Variants in HSPD1 observed in about 807,000 individuals in gnomAD.
The protein encoded by HSPD1 is heat shock protein family D (Hsp60) member 1.
Under a neutral mutation model 53.0 loss-of-function variants are expected in HSPD1, and 3 were observed. That is an observed-to-expected ratio of 0.06 (90% CI 0.03 to 0.15). The LOEUF (loss-of-function observed/expected upper bound fraction) is 0.15. Ranked by LOEUF, HSPD1 falls within the 10% of genes least tolerant of loss-of-function variation. The pLI, the probability that HSPD1 is intolerant of heterozygous loss-of-function variation, is 1.00. For synonymous variants in HSPD1, 200 were observed against 228.0 expected (o/e 0.88, Z 1.10); for missense variants, 431 against 694.1 (o/e 0.62, Z 4.26).
chr2:197,493,229 T>C, intron 7 of HSPD1, 95 bp downstream of exon 7: 1 of 1,022,912 alleles, frequency 9.8e-7, no homozygotes, highest in Non-Finnish European at 1.6e-6. Flanking sequence ...CTGGATCAAA[T>C]GTGGAGGTAC....
intron 1 of HSPD1, chr2:197,499,107 C>A: frequency 1.8e-6 from 1 of 552,110 alleles, no homozygotes. Context: ...CCACGGCCAC[C>A]TATCCCTGCC....
chr2:197,491,411 C>T (rs1238627440), intron 7 of HSPD1, among the ~76,000 whole-genome samples: 1 of 151,982 alleles, frequency 6.6e-6, no homozygotes, highest in Non-Finnish European at 1.5e-5. Flanking sequence ...CCACCCGCCT[C>T]GGCTTCCCAA....
At chr2:197,498,491 G>C (rs1466958624) in intron 2 of HSPD1, among the ~76,000 whole-genome samples, 184 bp downstream of exon 2, 1 of 152,192 alleles carries the variant, frequency 6.6e-6, no homozygotes, top group Non-Finnish European at 1.5e-5. Context: ...TCTGGCTGAA[G>C]CAGTTTAAGC....
intron 2 of HSPD1, among the ~76,000 whole-genome samples, chr2:197,497,769 T>C (rs1447778077): frequency 6.6e-6 from 1 of 152,256 alleles, no homozygotes; most frequent in Admixed American, 6.5e-5. Context: ...AAAATCCGTT[T>C]AACTAAAATA....
chr2:197,497,505 G>A (rs1487642428), intron 2 of HSPD1, 113 bp from the exon 3 acceptor site: 2 of 1,108,530 alleles, frequency 1.8e-6, no homozygotes, highest in Admixed American at 1.8e-5. Flanking sequence ...CGTAAGTTGT[G>A]TCATTTTTAT....
Position 197,487,107 on chromosome 2 carries a change from T to C in HSPD1, c.1661A>G (p.Lys554Arg), listed in dbSNP as rs544458991. ...ACCCATTGCACCCATTCCAGGGTCC[T>C]TCTCTTCTTTAGGAATTTCTGTGAC... ...VVVTEIPKEE[K>R]DPGMGAMGGM... Residue 554 changes from lysine (K) to arginine (R), a missense_variant, in exon 12 of 12, where the codon AAG becomes AGG. This residue lies in a region of HSPD1 where 386 missense variants were observed against 657.6 expected (regional missense o/e 0.59). Coordinates refer to ENST00000388968, the MANE Select transcript of HSPD1 (RefSeq NM_002156.5). 2 of 1,574,692 alleles carry C rather than the reference T, an allele frequency of 1.3e-6. No individual in the cohort carries two copies. Among genetic ancestry groups the C allele is most frequent in the Non-Finnish European group, 1.7e-6 (2 of 1,144,500 alleles).
At chr2:197,498,490 A>C (rs1401473483) in intron 2 of HSPD1, among the ~76,000 whole-genome samples, 185 bp downstream of exon 2, 1 of 152,220 alleles carries the variant, frequency 6.6e-6, no homozygotes, top group Non-Finnish European at 1.5e-5. Flanking sequence ...ATCTGGCTGA[A>C]GCAGTTTAAG....
chr2:197,489,343 CT>C (rs1165266770), intron 8 of HSPD1, 96 bp from the exon 9 acceptor site: 5 of 1,259,838 alleles, frequency 4.0e-6, no homozygotes, highest in Non-Finnish European at 5.7e-6. Context: ...CATCAAAATA[CT>C]TTATTTCTTT....
At chr2:197,498,429 C>T (rs2086188237) in intron 2 of HSPD1, among the ~76,000 whole-genome samples, 1 of 152,154 alleles carries the variant, frequency 6.6e-6, no homozygotes, top group South Asian at 2.1e-4. Flanking sequence ...CCACCTTGAG[C>T]TGTAAGTTAC....
intron 4 of HSPD1, 65 bp downstream of exon 4, chr2:197,495,229 G>T: frequency 1.2e-6 from 1 of 826,156 alleles, no homozygotes. Flanking sequence ...GTGATCAAGG[G>T]AAAAAAAAAA....
At position 197,497,290 on chromosome 2, in the gene HSPD1, T is replaced by C. The variant is rs371464097; in HGVS notation, c.277A>G (p.Ile93Val). ...ACATCTTGAACAAGTTTAGCTCCAA[T>C]GTTTTTGTATTTATCTTTTAAGTCA... is the stretch of plus-strand genomic sequence containing the variant. The part of the protein sequence containing the change: ...SIDLKDKYKN[I>V]GAKLVQDVAN... Residue 93 changes from isoleucine to valine, a missense_variant, in exon 3 of 12, where the codon ATT becomes GTT. Coordinates refer to ENST00000388968, the MANE Select transcript of HSPD1 (RefSeq NM_002156.5). 11 of 1,613,888 alleles carry C rather than the reference T, an allele frequency of 6.8e-6. No homozygotes were observed. Among genetic ancestry groups the C allele is most frequent in the African/African-American group, 1.3e-5 (1 of 74,950 alleles).
upstream of HSPD1, chr2:197,500,242 G>T (rs922262307): frequency 2.9e-6 from 2 of 684,358 alleles, no homozygotes; most frequent in South Asian, 1.8e-5. Flanking sequence ...CCTGCGCAGG[G>T]CCCTTGGGGC....
intron 10 of HSPD1, 111 bp downstream of exon 10, chr2:197,488,206 C>T (rs1392309386): frequency 9.4e-7 from 1 of 1,062,580 alleles, no homozygotes; most frequent in East Asian, 2.6e-5. Context: ...CACTATTCTA[C>T]TTCTGTTATT....
intron 2 of HSPD1, 124 bp from the exon 3 acceptor site, chr2:197,497,516 C>T (rs973615622): frequency 7.2e-6 from 7 of 973,324 alleles, no homozygotes; most frequent in Admixed American, 5.9e-5. Flanking sequence ...TCATTTTTAT[C>T]AGTCTTGCAG....
chr2:197,488,160 G>GA (rs1230198791), intron 10 of HSPD1, 124 bp from the exon 11 acceptor site: 13 of 1,007,904 alleles, frequency 1.3e-5, no homozygotes, highest in Non-Finnish European at 1.8e-5. Context: ...CATTTCCTCT[G>GA]AAAAAGATGT....
At chr2:197,493,259 C>G in intron 7 of HSPD1, 65 bp downstream of exon 7, 1 of 1,378,000 alleles carries the variant, frequency 7.3e-7, no homozygotes, top group South Asian at 1.2e-5. Context: ...AAACTGCAAA[C>G]AGCAATACAA....
intron 5 of HSPD1, 170 bp downstream of exon 5, chr2:197,494,487 G>A: frequency 3.1e-6 from 2 of 635,952 alleles, no homozygotes; most frequent in South Asian, 3.9e-5. Context: ...ATAAAACACA[G>A]TAAGTACTTT....
intron 2 of HSPD1, 183 bp from the exon 3 acceptor site, chr2:197,497,575 A>G: frequency 1.6e-6 from 1 of 634,288 alleles, no homozygotes; most frequent in Non-Finnish European, 2.8e-6. Context: ...TACAGACAAA[A>G]TGACCTGATT....
At chr2:197,498,903 G>C in intron 1 of HSPD1, 53 bp from the exon 2 acceptor site, 1 of 1,502,066 alleles carries the variant, frequency 6.7e-7, no homozygotes, top group Non-Finnish European at 9.3e-7. Context: ...GTGCGCTGCA[G>C]AACAAACATG....
Sources: gnomAD v4.1 joint callset for allele counts (sites outside exome capture counted in the v4.1 genomes callset) on GRCh38, gnomAD v4.1.1 for gene constraint, gnomAD v4.1.1 regional missense constraint, MANE v1.5 for transcripts, NCBI Gene and HGNC (gene_info 2026-07-23, HGNC 2026-07-21) for gene names.